The following FBXO25 variants were observed in gnomAD, a reference collection of about 807,000 sequenced individuals.
FBXO25 encodes the protein F-box protein 25, also known as F-box only protein 25.
FBXO25 carries 45 observed loss-of-function variants against 51.9 expected under a neutral mutation model. The observed-to-expected ratio is 0.87, with a 90% CI of 0.68 to 1.11. The LOEUF is 1.11. FBXO25 is among the 50% of genes most tolerant of loss of function. FBXO25 has a pLI of 0.00. For missense variants in FBXO25, 507 were observed against 428.5 expected, an observed-to-expected ratio of 1.18 and a Z score of -1.62; for synonymous variants, 199 against 151.0, an observed-to-expected ratio of 1.32 and a Z score of -2.33.
In FBXO25 at chr8:450,270, T is replaced by G. The variant is rs776415861; in HGVS notation, c.475+187T>G. 3.3e-5 allele frequency among the ~76,000 whole-genome samples: 5 copies of G among 152,266 alleles called. No homozygotes were observed. In the East Asian group the frequency reaches 9.6e-4, roughly 29 times the overall value. On this transcript the variant is annotated intron_variant, in intron 6 of 9. Transcript: ENST00000350302. ...AGTGTTCTGTTACTGCCGTTTACTT[T>G]TTTAAAGTTGCTTTTGCATACAAAT... is the stretch of plus-strand genomic sequence containing the variant.
At chr8:421,252 G>C (rs1402674838) in intron 2 of FBXO25, among the ~76,000 whole-genome samples, 3 of 152,238 alleles carry the variant, frequency 2.0e-5, no homozygotes, top group Non-Finnish European at 4.4e-5. Flanking sequence ...AGGTGGCACA[G>C]TTTCATCCTG....
At chr8:458,808 C>G (rs1270378318) in intron 8 of FBXO25, among the ~76,000 whole-genome samples, 7 of 152,202 alleles carry the variant, frequency 4.6e-5, no homozygotes, top group Non-Finnish European at 8.8e-5. Flanking sequence ...GAGTTCTTTT[C>G]TCTCCTGTTG....
At chr8:463,192 T>G (rs746149510) in intron 9 of FBXO25, 42 bp downstream of exon 9, 4 of 1,598,052 alleles carry the variant, frequency 2.5e-6, no homozygotes, top group Non-Finnish European at 3.4e-6. Context: ...GGATTAAATT[T>G]TGGTGAAACA....
chr8:422,473 G>A (rs1478915971), intron 2 of FBXO25, among the ~76,000 whole-genome samples: 3 of 152,138 alleles, frequency 2.0e-5, no homozygotes, highest in African/African-American at 7.2e-5. Context: ...ATCCTGGACT[G>A]GGCCCAGCAG....
chr8:419,048 C>G (rs529731716), intron 2 of FBXO25, among the ~76,000 whole-genome samples: 72 of 152,200 alleles, frequency 4.7e-4, no homozygotes, highest in African/African-American at 1.5e-3. Flanking sequence ...AAACTTATAC[C>G]TAAAGTCATC....
intron 2 of FBXO25, among the ~76,000 whole-genome samples, chr8:425,511 A>C (rs1378891279): frequency 6.6e-6 from 1 of 151,280 alleles, no homozygotes; most frequent in African/African-American, 2.4e-5. Context: ...TCTACTTAAT[A>C]ATATCTGCTT....
At chr8:410,952 T>C (rs1452164853) in intron 1 of FBXO25, among the ~76,000 whole-genome samples, 1 of 152,192 alleles carries the variant, frequency 6.6e-6, no homozygotes, top group African/African-American at 2.4e-5. Flanking sequence ...TGTTGAAGTC[T>C]ATGTAATTTC....
At chr8:412,806 G>T (rs1300803808) in intron 1 of FBXO25, among the ~76,000 whole-genome samples, 1 of 152,116 alleles carries the variant, frequency 6.6e-6, no homozygotes, top group South Asian at 2.1e-4. Flanking sequence ...TTGTTTTTCA[G>T]GTATGAGCTA....
At chr8:448,993 C>A (rs1406606380) in intron 5 of FBXO25, among the ~76,000 whole-genome samples, 4 of 152,280 alleles carry the variant, frequency 2.6e-5, no homozygotes, top group African/African-American at 9.6e-5. Flanking sequence ...TTTCAAAAAG[C>A]TACAAAAACA....
intron 2 of FBXO25, among the ~76,000 whole-genome samples, chr8:416,208 T>G (rs1470467617): frequency 2.0e-5 from 3 of 152,242 alleles, no homozygotes; most frequent in Non-Finnish European, 2.9e-5. Context: ...GTTTGCTTGG[T>G]TGGCCTGCTC....
intron 7 of FBXO25, among the ~76,000 whole-genome samples, chr8:454,063 G>C (rs1209007115): frequency 6.6e-6 from 1 of 152,158 alleles, no homozygotes; most frequent in African/African-American, 2.4e-5. Context: ...GGTGGAGGTT[G>C]CAGTGAGCCG....
intron 9 of FBXO25, chr8:468,237 T>G: frequency 9.9e-7 from 1 of 1,010,474 alleles, no homozygotes; most frequent in Non-Finnish European, 1.2e-6. Flanking sequence ...GCTGAGGCCG[T>G]GTGTCCCCCT....
At chr8:441,186 G>C (rs1186332915) in intron 5 of FBXO25, among the ~76,000 whole-genome samples, 3 of 152,020 alleles carry the variant, frequency 2.0e-5, no homozygotes, top group South Asian at 2.1e-4. Flanking sequence ...CAATGGAACA[G>C]AACAGAGGCC....
intron 8 of FBXO25, among the ~76,000 whole-genome samples, chr8:460,809 C>A (rs915658711): frequency 2.0e-5 from 3 of 152,214 alleles, no homozygotes; most frequent in African/African-American, 7.2e-5. Flanking sequence ...TAAATATGAA[C>A]AGGCTGATAA....
At chr8:445,681 G>A (rs1002860848) in intron 5 of FBXO25, among the ~76,000 whole-genome samples, 1 of 152,150 alleles carries the variant, frequency 6.6e-6, no homozygotes, top group Non-Finnish European at 1.5e-5. Flanking sequence ...GGTGAAACCT[G>A]TCTCTACTAA....
chr8:424,596 C>A (rs910262685), intron 2 of FBXO25, among the ~76,000 whole-genome samples: 4 of 152,148 alleles, frequency 2.6e-5, no homozygotes, highest in African/African-American at 9.7e-5. Context: ...GCCAGTTATT[C>A]CAACACCATA....
rs1800496369 is a variant in FBXO25 at position 471,855 on chromosome 8, TAC to T, written c.*3055_*3056del. ...TGTGTGTGCGTACTGTACAGGGCTGTACACAGCAAACTGTGTCTACTTTATGG... is the reference window on the plus strand; with the variant it reads ...TGTGTGTGCGTACTGTACAGGGCTGTACAGCAAACTGTGTCTACTTTATGG... On this transcript the variant is annotated 3_prime_UTR_variant, in exon 10 of 10. Coordinates refer to ENST00000350302, the MANE Select transcript of FBXO25 (RefSeq NM_183420.2). 1.3e-5 allele frequency: 2 copies of T among 152,228 alleles called. No individual in the cohort carries two copies. Among genetic ancestry groups the T allele is most frequent in the South Asian group, 4.1e-4 (2 of 4,836 alleles). The allele number at this position is 152,228 out of a possible 1,614,324, so 9.4% of individuals were successfully genotyped here.
At chr8:435,381 C>G (rs1297974877) in intron 4 of FBXO25, 3 of 537,282 alleles carry the variant, frequency 5.6e-6, no homozygotes, top group East Asian at 6.9e-5. Flanking sequence ...TTTGTCATTA[C>G]TTCAGCAGGT....
At chr8:441,316 CA>C in intron 5 of FBXO25, among the ~76,000 whole-genome samples, 1 of 152,206 alleles carries the variant, frequency 6.6e-6, no homozygotes, top group Non-Finnish European at 1.5e-5. Flanking sequence ...TAGCCATATG[CA>C]AAAAACTGAA....
Sources: gnomAD v4.1 joint callset for allele counts (sites outside exome capture counted in the v4.1 genomes callset) on GRCh38, gnomAD v4.1.1 for gene constraint, MANE v1.5 for transcripts, NCBI Gene and HGNC (gene_info 2026-07-23, HGNC 2026-07-21) for gene names.